SH3GL3: variants seen among roughly 807,000 people sequenced by gnomAD.
The protein encoded by SH3GL3 is endophilin-A3.
In SH3GL3, 33 loss-of-function variants were observed where a neutral mutation model predicts 47.7. The ratio of observed to expected loss-of-function variants is 0.69; its 90% CI spans 0.52 to 0.92. The LOEUF (loss-of-function observed/expected upper bound fraction) is 0.92, where lower values mean the gene tolerates loss of function less well. Ranked by LOEUF, SH3GL3 falls within the 40% of genes least tolerant of loss-of-function variation. The pLI is 0.00. For missense variants in SH3GL3, 363 were observed against 417.8 expected, an observed-to-expected ratio of 0.87 and a Z score of 1.14; for synonymous variants, 155 against 148.8, an observed-to-expected ratio of 1.04 and a Z score of -0.30.
At chr15:83,632,847 T>G in the SH3GL3 span, among the ~76,000 whole-genome samples, 1 of 152,166 alleles carries the variant, frequency 6.6e-6, no homozygotes, top group Non-Finnish European at 1.5e-5. Flanking sequence ...TGTACCAAAT[T>G]TATACAGAAT....
chr15:83,545,380 CTT>C (rs2044346973), intron 1 of SH3GL3, among the ~76,000 whole-genome samples: 1 of 152,078 alleles, frequency 6.6e-6, no homozygotes, highest in African/African-American at 2.4e-5. Flanking sequence ...ATTTTAATCT[CTT>C]TGTTAAATTT....
At chr15:83,629,337 T>C in the SH3GL3 span, among the ~76,000 whole-genome samples, 1 of 152,310 alleles carries the variant, frequency 6.6e-6, no homozygotes, top group East Asian at 1.9e-4. Flanking sequence ...CAAATCACTG[T>C]GGAATTAGCA....
At chr15:83,628,579 C>T in the SH3GL3 span, among the ~76,000 whole-genome samples, 1 of 152,000 alleles carries the variant, frequency 6.6e-6, no homozygotes, top group African/African-American at 2.4e-5. Flanking sequence ...CCTATTTCTA[C>T]TAAAAGTACA....
the SH3GL3 span, among the ~76,000 whole-genome samples, chr15:83,629,511 A>G: frequency 2.0e-5 from 3 of 152,190 alleles, no homozygotes; most frequent in Non-Finnish European, 2.9e-5. Context: ...CACACCATAC[A>G]TAAAAATTAT....
intron 1 of SH3GL3, among the ~76,000 whole-genome samples, chr15:83,551,894 T>G (rs2044688328): frequency 6.6e-6 from 1 of 152,218 alleles, no homozygotes; most frequent in Non-Finnish European, 1.5e-5. Flanking sequence ...GGACTCTCTA[T>G]TTTTTAATCA....
In SH3GL3 at chr15:83,506,950, T is replaced by TA. The variant is rs1018709174; in HGVS notation, c.46-52289dup. ...GTTTATAGAAATCATTCTCTTTTGCTAAAAAAAAAAAAAATTTCCTGATTG... is the reference window on the plus strand; with the variant it reads ...GTTTATAGAAATCATTCTCTTTTGCTAAAAAAAAAAAAAAATTTCCTGATTG... On this transcript the variant is annotated intron_variant, in intron 1 of 8. Coordinates refer to ENST00000427482, the MANE Select transcript of SH3GL3 (RefSeq NM_003027.5). Among the ~76,000 whole-genome samples, 633 of 141,648 alleles carry TA rather than the reference T, an allele frequency of 4.5e-3. 5 individuals are homozygous for TA. The highest frequency in any genetic ancestry group is 0.011 in the Middle Eastern group (3 of 274). 92.9% of individuals were successfully genotyped at this position (141,648 alleles called of 152,430 possible).
At chr15:83,549,664 C>G (rs2044565723) in intron 1 of SH3GL3, among the ~76,000 whole-genome samples, 2 of 152,282 alleles carry the variant, frequency 1.3e-5, no homozygotes, top group South Asian at 4.1e-4. Context: ...CTTGTGTATT[C>G]AGCTTAGGAA....
intron 8 of SH3GL3, among the ~76,000 whole-genome samples, chr15:83,612,116 G>A (rs1384345034): frequency 6.6e-6 from 1 of 151,836 alleles, no homozygotes; most frequent in Non-Finnish European, 1.5e-5. Flanking sequence ...CCAATAGAAA[G>A]CATAGACTAT....
At chr15:83,449,431 A>G (rs898070402) in intron 1 of SH3GL3, among the ~76,000 whole-genome samples, 2 of 152,180 alleles carry the variant, frequency 1.3e-5, no homozygotes, top group African/African-American at 4.8e-5. Context: ...TACTTGTTAC[A>G]TTGGCTTCCT....
chr15:83,590,900 A>G (rs927516169), intron 8 of SH3GL3, among the ~76,000 whole-genome samples: 11 of 152,218 alleles, frequency 7.2e-5, no homozygotes, highest in African/African-American at 2.7e-4. Flanking sequence ...GGTCTTTCAC[A>G]GATCAAAATT....
intron 6 of SH3GL3, among the ~76,000 whole-genome samples, chr15:83,584,702 G>A (rs556144148): frequency 2.0e-5 from 3 of 152,186 alleles, no homozygotes; most frequent in Non-Finnish European, 2.9e-5. Context: ...TGGAAATCCA[G>A]TTCCTTGGCG....
chr15:83,483,830 GCCTTAGGAATT>G (rs1452951368), intron 1 of SH3GL3, among the ~76,000 whole-genome samples: 1 of 152,190 alleles, frequency 6.6e-6, no homozygotes, highest in Non-Finnish European at 1.5e-5. Flanking sequence ...ATCCATCCTT[GCCTTAGGAATT>G]CCTAAGAATT....
At chr15:83,610,726 T>C (rs567464140) in intron 8 of SH3GL3, among the ~76,000 whole-genome samples, 8 of 152,092 alleles carry the variant, frequency 5.3e-5, no homozygotes, top group South Asian at 2.1e-4. Flanking sequence ...ATCCCTCACA[T>C]TGGGGGAAAT....
At chr15:83,631,405 T>A in the SH3GL3 span, among the ~76,000 whole-genome samples, 1 of 152,242 alleles carries the variant, frequency 6.6e-6, no homozygotes, top group Non-Finnish European at 1.5e-5. Flanking sequence ...TCCAGCTCCA[T>A]GTTTCCCTTC....
At chr15:83,573,703 AT>A (rs2059595876) in intron 5 of SH3GL3, among the ~76,000 whole-genome samples, 1 of 152,146 alleles carries the variant, frequency 6.6e-6, no homozygotes, top group Non-Finnish European at 1.5e-5. Flanking sequence ...GTGGCTCCAT[AT>A]TCCAGGGGCC....
intron 8 of SH3GL3, among the ~76,000 whole-genome samples, chr15:83,592,416 C>A (rs1361606506): frequency 6.6e-6 from 1 of 152,210 alleles, no homozygotes; most frequent in African/African-American, 2.4e-5. Context: ...GGCTGCATGA[C>A]TTTTCTGACT....
At chr15:83,475,294 A>G (rs894886719) in intron 1 of SH3GL3, among the ~76,000 whole-genome samples, 2 of 152,014 alleles carry the variant, frequency 1.3e-5, no homozygotes, top group Non-Finnish European at 2.9e-5. Context: ...CTTCGCCAAC[A>G]TAGTAAAACC....
intron 1 of SH3GL3, among the ~76,000 whole-genome samples, chr15:83,476,966 T>G (rs1205435665): frequency 6.6e-6 from 1 of 152,210 alleles, no homozygotes; most frequent in Non-Finnish European, 1.5e-5. Flanking sequence ...AACAGTTCTT[T>G]TTCATCCTGG....
At chr15:83,581,013 C>T (rs1596303928) in intron 6 of SH3GL3, among the ~76,000 whole-genome samples, 1 of 152,180 alleles carries the variant, frequency 6.6e-6, no homozygotes, top group African/African-American at 2.4e-5. Flanking sequence ...GCTACCTGTC[C>T]ATCTCTGTTT....
Sources: allele counts gnomAD v4.1 joint callset (sites outside exome capture counted in the v4.1 genomes callset), GRCh38; gene constraint gnomAD v4.1.1; transcripts MANE v1.5; gene names NCBI Gene and HGNC (gene_info 2026-07-23, HGNC 2026-07-21).